KCNT2: variants seen among roughly 807,000 people sequenced by gnomAD.
The protein encoded by KCNT2 is potassium channel subfamily T member 2.
In KCNT2, 67 loss-of-function variants were observed where a neutral mutation model predicts 153.8. That is an observed-to-expected ratio of 0.44 (90% CI 0.36 to 0.53). The LOEUF is 0.53. Among genes scored for constraint, KCNT2 ranks in the 20% least tolerant of loss-of-function variants. KCNT2 has a pLI of 0.00. For synonymous variants in KCNT2, 500 were observed against 458.8 expected (o/e 1.09, Z -1.15); for missense variants, 975 against 1,354.8 (o/e 0.72, Z 4.40).
At chr1:196,284,248 A>ATATATAT (rs1553271464) in intron 23 of KCNT2, among the ~76,000 whole-genome samples, 2 of 10,042 alleles carry the variant, frequency 2.0e-4, no homozygotes, top group Non-Finnish European at 5.3e-4. Flanking sequence ...AAAAAAAAAA[A>ATATATAT]ATATATATAT....
At chr1:196,314,170 A>G (rs893475586) in intron 21 of KCNT2, among the ~76,000 whole-genome samples, 5 of 151,674 alleles carry the variant, frequency 3.3e-5, no homozygotes, top group Non-Finnish European at 7.4e-5. Context: ...AATATATAAT[A>G]AAAGTTAAAT....
In KCNT2 at chr1:196,280,870, G is replaced by A. The variant is rs1292143952; in HGVS notation, c.2900C>T (p.Thr967Ile). 1 of 1,611,700 alleles carries A rather than the reference G, an allele frequency of 6.2e-7. No individual in the cohort carries two copies. The highest frequency in any genetic ancestry group is 1.3e-5 in the African/African-American group (1 of 74,984). The change falls in exon 25 of 28, where the codon ACT becomes ATT. Residue 967 changes from threonine (T) to isoleucine (I), a missense_variant. Around this residue, in one of 6 missense-constraint regions of KCNT2, gnomAD observed 241 missense variants for 271.1 expected, o/e 0.89. Transcript: ENST00000294725. ...GIYRTESQKL[T>I]TSESQISISV... ...TTGTTATTTCCAAACCTCAGATGTA[G>A]TAAGTTTCTGAGACTCAGTCCTGTA... is the stretch of plus-strand genomic sequence containing the variant.
intron 13 of KCNT2, among the ~76,000 whole-genome samples, chr1:196,381,761 A>T (rs1669510184): frequency 6.6e-6 from 1 of 152,110 alleles, no homozygotes; most frequent in Non-Finnish European, 1.5e-5. Context: ...TGAACTGATG[A>T]CTGAGAAAAC....
At chr1:196,539,135 T>A (rs1398726113) in intron 1 of KCNT2, among the ~76,000 whole-genome samples, 1 of 152,318 alleles carries the variant, frequency 6.6e-6, no homozygotes, top group East Asian at 1.9e-4. Flanking sequence ...TTAATGAAAT[T>A]ATTCATGATA....
chr1:196,468,885 T>C lies in KCNT2; in HGVS notation c.459+109A>G, dbSNP rs979632693. 7 of 708,218 alleles carry C rather than the reference T, an allele frequency of 9.9e-6. No homozygotes were observed. The African/African-American group carries it at 1.1e-4, about 11-fold the overall frequency. The allele number at this position is 708,218 out of a possible 1,614,324, so 43.9% of individuals were successfully genotyped here. On this transcript the variant is annotated intron_variant, in intron 6 of 27. Coordinates refer to ENST00000294725, the MANE Select transcript of KCNT2 (RefSeq NM_198503.5). ...CTTAGTATCATGATTCTAACCAAAG[T>C]CTAAATCCATTTATCTTAGCTACCA... is the stretch of plus-strand genomic sequence containing the variant.
chr1:196,427,104 A>G (rs2148533936), intron 10 of KCNT2, among the ~76,000 whole-genome samples: 1 of 152,184 alleles, frequency 6.6e-6, no homozygotes, highest in African/African-American at 2.4e-5. Context: ...GATTTCCTTT[A>G]TGAGTTATGA....
chr1:196,525,890 G>T (rs536169736), intron 1 of KCNT2, among the ~76,000 whole-genome samples: 7 of 151,890 alleles, frequency 4.6e-5, no homozygotes, highest in African/African-American at 1.7e-4. Flanking sequence ...ATAAAACAAG[G>T]TTATGTATTG....
intron 8 of KCNT2, among the ~76,000 whole-genome samples, chr1:196,432,325 A>ATG (rs1674235125): frequency 6.6e-6 from 1 of 152,134 alleles, no homozygotes; most frequent in Non-Finnish European, 1.5e-5. Flanking sequence ...AGAGTCCCCA[A>ATG]CTAGAGCAAT....
chr1:196,284,916 G>A (rs141785882), intron 23 of KCNT2, among the ~76,000 whole-genome samples: 1 of 152,276 alleles, frequency 6.6e-6, no homozygotes, highest in East Asian at 1.9e-4. Flanking sequence ...ACAATAAAAT[G>A]CTGAAATGCT....
rs1306169423 is a variant in KCNT2 at position 196,600,658 on chromosome 1, C to T, written c.95+7557G>A. Among the ~76,000 whole-genome samples the T allele has an allele frequency of 1.6e-3, 8 of 5,096 alleles. No homozygotes were observed. The South Asian group carries it at 0.36, about 232-fold the overall frequency. The allele number at this position is 5,096 out of a possible 152,430, so 3.3% of individuals were successfully genotyped here. A position where few individuals can be genotyped will look rare whatever the true frequency, so the allele number is the denominator to read the frequency against. The stretch of plus-strand genomic sequence containing the variant: ...AGATATCCATACTTGATATGGATCA[C>T]ACTGAATGACAGATTAACAGTGTTC... On this transcript the variant is annotated intron_variant, in intron 1 of 27. Transcript: ENST00000294725.
intron 1 of KCNT2, among the ~76,000 whole-genome samples, chr1:196,543,294 C>T (rs1656632396): frequency 1.3e-5 from 2 of 152,094 alleles, no homozygotes; most frequent in Admixed American, 1.3e-4. Flanking sequence ...TTTTAACACA[C>T]TGCAGTTGTG....
rs923043641 is a variant in KCNT2 at position 196,288,123 on chromosome 1, T to TA, written c.2596-2366dup. ...TGTCCAGCATGTTCTCTAGTGGAAG[T>TA]AAAAAAAAATAAATAAATAAAAAAT... On this transcript the variant is annotated intron_variant, in intron 22 of 27. Transcript: ENST00000294725. Among the ~76,000 whole-genome samples, 75 of 141,534 alleles carry TA rather than the reference T, an allele frequency of 5.3e-4. 1 individual carries two copies. The highest frequency in any genetic ancestry group is 2.6e-3 in the East Asian group (13 of 5,092). The allele number at this position is 141,534 out of a possible 152,430, so 92.9% of individuals were successfully genotyped here.
chr1:196,325,494 C>A (rs1383273744), intron 19 of KCNT2, among the ~76,000 whole-genome samples: 2 of 152,140 alleles, frequency 1.3e-5, no homozygotes, highest in African/African-American at 4.8e-5. Context: ...TTTCTTGGAG[C>A]TTCCTAGCAG....
At chr1:196,463,194 AT>A (rs1178282797) in intron 8 of KCNT2, among the ~76,000 whole-genome samples, 2 of 151,782 alleles carry the variant, frequency 1.3e-5, no homozygotes, top group Non-Finnish European at 1.5e-5. Context: ...GGATATTTCT[AT>A]TTTACATTGT....
chr1:196,447,777 AAGAC>A (rs1193685182), intron 8 of KCNT2, among the ~76,000 whole-genome samples: 1 of 148,344 alleles, frequency 6.7e-6, no homozygotes, highest in Non-Finnish European at 1.5e-5. Context: ...GTTGTCTGGA[AAGAC>A]AGAAGAATTA....
intron 22 of KCNT2, among the ~76,000 whole-genome samples, chr1:196,287,941 A>G (rs961194744): frequency 2.0e-5 from 3 of 152,084 alleles, no homozygotes; most frequent in Non-Finnish European, 4.4e-5. Context: ...GAATATATGT[A>G]ATAATTAGGC....
intron 5 of KCNT2, among the ~76,000 whole-genome samples, chr1:196,475,552 T>C (rs1040258580): frequency 2.0e-5 from 3 of 151,028 alleles, no homozygotes; most frequent in South Asian, 2.1e-4. Flanking sequence ...TCCTAGGAGG[T>C]AGAGACAATC....
At chr1:196,511,281 C>G (rs1681607952) in intron 1 of KCNT2, among the ~76,000 whole-genome samples, 1 of 152,082 alleles carries the variant, frequency 6.6e-6, no homozygotes. Flanking sequence ...TGCTATCTGT[C>G]AATTTTTGCT....
chr1:196,549,164 A>G (rs1311707319), intron 1 of KCNT2, among the ~76,000 whole-genome samples: 1 of 151,938 alleles, frequency 6.6e-6, no homozygotes, highest in African/African-American at 2.4e-5. Context: ...TAAAAAAAAG[A>G]AGTAAATCCA....
Sources: gnomAD v4.1 joint callset for allele counts (sites outside exome capture counted in the v4.1 genomes callset) on GRCh38, gnomAD v4.1.1 for gene constraint, gnomAD v4.1.1 regional missense constraint, MANE v1.5 for transcripts, NCBI Gene and HGNC (gene_info 2026-07-23, HGNC 2026-07-21) for gene names.